Variants in AXIN2 observed in about 807,000 individuals in gnomAD.
AXIN2 encodes axin 2.
AXIN2 carries 21 observed loss-of-function variants against 74.7 expected under a neutral mutation model. That is an observed-to-expected ratio of 0.28 (90% CI 0.20 to 0.40). The LOEUF (loss-of-function observed/expected upper bound fraction) is 0.40, where lower values mean the gene tolerates loss of function less well. AXIN2 is among the 10% of genes least tolerant of loss of function. The pLI is 1.00. For synonymous variants in AXIN2, 532 were observed against 454.9 expected, an observed-to-expected ratio of 1.17 and a Z score of -2.16; for missense variants, 1,144 against 1,111.1, an observed-to-expected ratio of 1.03 and a Z score of -0.42.
In AXIN2 at chr17:65,536,835, C is replaced by CCGA. The variant is rs1350775314; in HGVS notation, c.1907+33_1907+34insTCG. 4.3e-6 allele frequency: 7 copies of CCGA among 1,611,920 alleles called. No homozygotes were observed. In the East Asian group the frequency reaches 1.6e-4, roughly 36 times the overall value. On this transcript the variant is annotated intron_variant, in intron 7 of 10. Transcript: ENST00000307078. ...TACCTCCGTACTGAGTGCCCATGAC[C>CCGA]CTCGCGGCCGCGGCGGCGGCAAGCG...
intron 6 of AXIN2, 36 bp from the exon 7 acceptor site, chr17:65,537,099 C>G (rs912960655): frequency 2.5e-6 from 4 of 1,588,458 alleles, no homozygotes; most frequent in Non-Finnish European, 1.7e-6. Flanking sequence ...AACCCAGAGA[C>G]CCGGTTAAAT....
intron 2 of AXIN2, among the ~76,000 whole-genome samples, chr17:65,555,068 C>T (rs558392524): frequency 3.3e-5 from 5 of 152,150 alleles, no homozygotes; most frequent in Non-Finnish European, 5.9e-5. Flanking sequence ...CCTGCTCTTC[C>T]GCCCCAACTA....
chr17:65,546,842 T>G (rs2044126194), intron 3 of AXIN2, among the ~76,000 whole-genome samples: 1 of 152,166 alleles, frequency 6.6e-6, no homozygotes, highest in South Asian at 2.1e-4. Flanking sequence ...CAAGGCAGCT[T>G]TGCCACAGGA....
At chr17:65,530,197 GGA>G (rs1177961892) in intron 10 of AXIN2, 95 bp from the exon 11 acceptor site, 3 of 1,550,784 alleles carry the variant, frequency 1.9e-6, no homozygotes, top group African/African-American at 2.7e-5. Context: ...AGGTATCCTA[GGA>G]ATTTGCTATG....
rs549469886 is a variant in AXIN2, at chr17:65,549,481, T to C, written c.956+39A>G. On this transcript the variant is annotated intron_variant, in intron 3 of 10. Transcript: ENST00000307078. ...GGCTAAGTGCTCAGGTGGCATCCAC[T>C]CCCAAGCAAGCCCACGGAAGGGTGG... is the stretch of plus-strand genomic sequence containing the variant. 5 of 1,610,288 alleles carry C rather than the reference T, an allele frequency of 3.1e-6. No homozygotes were observed. Among genetic ancestry groups the C allele is most frequent in the Non-Finnish European group, 4.2e-6 (5 of 1,178,904 alleles).
In AXIN2 at chr17:65,529,993, C is replaced by T. The variant is rs2144390612; in HGVS notation, c.2515G>A (p.Val839Met). ...CCCAGGGCTCAATCGATCCGCTCCACTTTGCCCAGAATCCGGCCTTCATAC... is the reference window on the plus strand; with the variant it reads ...CCCAGGGCTCAATCGATCCGCTCCATTTTGCCCAGAATCCGGCCTTCATAC... ...PMYEGRILGK[V>M]ERID The change falls in exon 11 of 11, where the codon GTG becomes ATG. Residue 839 changes from valine to methionine, a missense_variant. This residue lies in a region of AXIN2 where 65 missense variants were observed against 95.7 expected (regional missense o/e 0.68). Transcript: ENST00000307078. 1 of 1,614,248 alleles carries T rather than the reference C, an allele frequency of 6.2e-7. No individual in the cohort carries two copies. Among genetic ancestry groups the T allele is most frequent in the African/African-American group, 1.3e-5 (1 of 75,072 alleles).
intron 10 of AXIN2, among the ~76,000 whole-genome samples, chr17:65,532,567 T>C (rs1480412200): frequency 6.6e-6 from 1 of 151,922 alleles, no homozygotes; most frequent in Non-Finnish European, 1.5e-5. Context: ...CCAACCTCCA[T>C]CCCCTCCCCA....
chr17:65,553,655 T>C (rs150255665), intron 2 of AXIN2, among the ~76,000 whole-genome samples: 1 of 152,298 alleles, frequency 6.6e-6, no homozygotes, highest in East Asian at 1.9e-4. Flanking sequence ...TATACTGCTC[T>C]TAACTCAGTT....
In AXIN2 at chr17:65,536,382, C is replaced by A. The variant is rs551098654; in HGVS notation, c.2079G>T (p.Thr693=). The A allele has an allele frequency of 2.5e-6, 4 of 1,613,722 alleles. No homozygotes were observed. Among genetic ancestry groups the A allele is most frequent in the Non-Finnish European group, 3.4e-6 (4 of 1,179,992 alleles). The change falls in exon 8 of 11, where the codon ACG becomes ACT. Residue 693 remains threonine (T), a synonymous_variant. Transcript: ENST00000307078. ...PAMPPLTPPN[T]LAQLEEACRR... is the part of the protein sequence containing the mutation. ...GACAGGCCTCCTCCAGCTGAGCCAG[C>A]GTGTTGGGTGGGGTCAGGGGAGGCA...
intron 2 of AXIN2, among the ~76,000 whole-genome samples, chr17:65,556,490 T>G (rs2044268791): frequency 6.6e-6 from 1 of 152,226 alleles, no homozygotes; most frequent in Admixed American, 6.5e-5. Flanking sequence ...CTGGAACCTG[T>G]GTTTCCTTGC....
intron 9 of AXIN2, among the ~76,000 whole-genome samples, chr17:65,535,159 C>T (rs779166953): frequency 3.9e-5 from 6 of 152,220 alleles, no homozygotes; most frequent in Non-Finnish European, 7.3e-5. Context: ...GCAGGCTCCT[C>T]AACCTACTTT....
chr17:65,551,024 T>C (rs1054090539), intron 2 of AXIN2, among the ~76,000 whole-genome samples: 7 of 152,134 alleles, frequency 4.6e-5, no homozygotes, highest in Non-Finnish European at 1.0e-4. Flanking sequence ...TGGGCATGGA[T>C]TGAGTCACGT....
At position 65,537,820 on chromosome 17, in the gene AXIN2, CCT is replaced by C. The variant is rs771001164; in HGVS notation, c.1214_1215del (p.Glu405GlyfsTer56). On this transcript the variant is annotated frameshift_variant, in exon 6 of 11. Transcript: ENST00000307078. LOFTEE classifies it high-confidence loss of function. ...CGCGAATTGAGTGTGAGCTCGGAGC[CCT>C]CTCTCTCTTCATCCTGAAAGGGAAG... ...LQQIREDEER[E>X]GSELTLNSRE... The C allele has an allele frequency of 1.1e-5, 17 of 1,566,454 alleles. No individual in the cohort carries two copies. Among genetic ancestry groups the C allele is most frequent in the East Asian group, 4.6e-5 (2 of 43,720 alleles).
At chr17:65,560,123 C>T (rs1020309879) in intron 1 of AXIN2, 2 of 152,470 alleles carry the variant, frequency 1.3e-5, no homozygotes, top group African/African-American at 4.8e-5. Context: ...GGGGTCGGTC[C>T]CCGGCGCCGC....
In AXIN2 at chr17:65,537,433, C is replaced by T. The variant is rs1392915734; in HGVS notation, c.1603G>A (p.Ala535Thr). The change falls in exon 6 of 11, where the codon GCC (alanine) becomes ACC (threonine). Residue 535 changes from alanine to threonine, a missense_variant. Transcript: ENST00000307078. ...CAGAAGCAGTGCACCCGCTGCGTGG[C>T]CTCCGCCTCGATCTCCTCCTTGGTC... The part of the protein sequence containing the change: ...PKTKEEIEAE[A>T]TQRVHCFCPG... The T allele has an allele frequency of 6.2e-7, 1 of 1,613,980 alleles. No individual in the cohort carries two copies. The highest frequency in any genetic ancestry group is 1.1e-5 in the South Asian group (1 of 91,070).
chr17:65,532,326 A>G (rs2043835571), intron 10 of AXIN2, among the ~76,000 whole-genome samples: 1 of 152,086 alleles, frequency 6.6e-6, no homozygotes, highest in Non-Finnish European at 1.5e-5. Flanking sequence ...CTGCAGTTCC[A>G]CTCGAAGTCC....
rs957951803 is a variant in AXIN2, at chr17:65,529,259, C to T, written c.*717G>A. ...TGCCTCTCCCTCTGCAACAGATCAT[C>T]CCATCCAACACAACCCCCAAAATGT... is the stretch of plus-strand genomic sequence containing the variant. On this transcript the variant is annotated 3_prime_UTR_variant, in exon 11 of 11. Transcript: ENST00000307078. 1 of 235,810 alleles carries T rather than the reference C, an allele frequency of 4.2e-6. No homozygotes were observed. Among genetic ancestry groups the T allele is most frequent in the South Asian group, 1.8e-4 (1 of 5,610 alleles). The allele number at this position is 235,810 out of a possible 1,614,324, so 14.6% of individuals were successfully genotyped here. A position where few individuals can be genotyped will look rare whatever the true frequency, so the allele number is the denominator to read the frequency against.
chr17:65,534,723 G>C (rs1427355235), intron 9 of AXIN2, among the ~76,000 whole-genome samples: 1 of 152,174 alleles, frequency 6.6e-6, no homozygotes, highest in East Asian at 1.9e-4. Context: ...GAGGTCAGGA[G>C]TTTGAGACCA....
Position 65,537,455 on chromosome 17 carries a change from G to T in AXIN2, c.1581C>A (p.Thr527=), listed in dbSNP as rs896559679. ...HYIHHHAVPK[T]KEEIEAEATQ... is the part of the protein sequence containing the mutation. ...TGGCCTCCGCCTCGATCTCCTCCTT[G>T]GTCTTGGGGACGGCATGGTGGTGGA... The change falls in exon 6 of 11, where the codon ACC becomes ACA. Residue 527 remains threonine, a synonymous_variant. Coordinates refer to ENST00000307078, the MANE Select transcript of AXIN2 (RefSeq NM_004655.4). The T allele has an allele frequency of 1.2e-6, 2 of 1,613,862 alleles. No homozygotes were observed. Among genetic ancestry groups the T allele is most frequent in the African/African-American group, 1.3e-5 (1 of 74,908 alleles).
Sources: gnomAD v4.1 joint callset for allele counts (sites outside exome capture counted in the v4.1 genomes callset) on GRCh38, gnomAD v4.1.1 for gene constraint, gnomAD v4.1.1 regional missense constraint, MANE v1.5 for transcripts, NCBI Gene and HGNC (gene_info 2026-07-23, HGNC 2026-07-21) for gene names.